The following CHD2 variants were observed in gnomAD, a reference collection of about 807,000 sequenced individuals.
CHD2 encodes the protein ATP-dependent chromatin remodeler CHD2.
Under a neutral mutation model 243.9 loss-of-function variants are expected in CHD2, and 28 were observed. The observed-to-expected ratio is 0.11, with a 90% CI of 0.09 to 0.16. CHD2 has a LOEUF of 0.16. CHD2 is among the 10% of genes least tolerant of loss of function. The probability of loss-of-function intolerance (pLI) is 1.00; values close to 1 mark genes in which losing one functional copy is unlikely to be tolerated. For missense variants in CHD2, 1,386 were observed against 2,209.8 expected, an observed-to-expected ratio of 0.63 and a Z score of 7.47; for synonymous variants, 775 against 779.0, an observed-to-expected ratio of 0.99 and a Z score of 0.09.
In CHD2 at chr15:92,958,666, A is replaced by G. The variant is rs146195220; in HGVS notation, c.2000+2017A>G. ...TTATCAGTACAGTCCCCAACTTTCT[A>G]TAGTTTGATGTAAAATGTTTTGACT... On this transcript the variant is annotated intron_variant, in intron 16 of 38. Coordinates refer to ENST00000394196, the MANE Select transcript of CHD2 (RefSeq NM_001271.4). 7.9e-5 allele frequency among the ~76,000 whole-genome samples: 12 copies of G among 152,336 alleles called. No homozygotes were observed. The East Asian group carries it at 2.3e-3, about 29-fold the overall frequency.
In CHD2 at chr15:92,939,643, A is replaced by G. The variant is rs2141778416; in HGVS notation, c.617A>G (p.Asp206Gly). 1 of 1,614,170 alleles carries G rather than the reference A, an allele frequency of 6.2e-7. No individual in the cohort carries two copies. Among genetic ancestry groups the G allele is most frequent in the Non-Finnish European group, 8.5e-7 (1 of 1,180,016 alleles). Residue 206 changes from aspartate to glycine, a missense_variant, in exon 7 of 39, where the codon GAT becomes GGT. Asp to Gly is a moderately conservative substitution (Grantham distance 94). Coordinates refer to ENST00000394196, the MANE Select transcript of CHD2 (RefSeq NM_001271.4). ...KTQRGKRKKQDSSDEDDDDDE... is the reference protein window; with the variant it reads ...KTQRGKRKKQGSSDEDDDDDE... ...CAGCGTGGAAAGAGAAAAAAGCAAG[A>G]TTCTTCTGATGAGGATGATGATGAT...
chr15:92,960,607 T>C (rs1311570808), intron 16 of CHD2, among the ~76,000 whole-genome samples: 1 of 151,802 alleles, frequency 6.6e-6, no homozygotes, highest in Non-Finnish European at 1.5e-5. Context: ...TTTTTTTTCC[T>C]AGCATAAATC....
At position 92,912,398 on chromosome 15, in the gene CHD2, C is replaced by G. The variant is rs374092795; in HGVS notation, c.62+11099C>G. ...TTGAGGCGGAGTCTCGCTCTGTCGC[C>G]TGGGCTGGAGTGCAGTGGCGCAGTC... On this transcript the variant is annotated intron_variant, in intron 2 of 38. Coordinates refer to ENST00000394196, the MANE Select transcript of CHD2 (RefSeq NM_001271.4). Among the ~76,000 whole-genome samples, 313 of 152,336 alleles carry G rather than the reference C, an allele frequency of 2.1e-3. 3 individuals are homozygous for G. Among genetic ancestry groups the G allele is most frequent in the African/African-American group, 7.4e-3 (307 of 41,566 alleles).
intron 17 of CHD2, among the ~76,000 whole-genome samples, chr15:92,970,712 A>T (rs1171906244): frequency 6.6e-6 from 1 of 152,084 alleles, no homozygotes; most frequent in Non-Finnish European, 1.5e-5. Flanking sequence ...ATAGGCCTTT[A>T]TGATGCATAG....
chr15:92,921,761 G>A (rs1179654808), intron 2 of CHD2, among the ~76,000 whole-genome samples: 1 of 152,162 alleles, frequency 6.6e-6, no homozygotes, highest in Admixed American at 6.5e-5. Context: ...GCTGCCATTA[G>A]ATGTTCTTAT....
chr15:92,959,838 T>C (rs1018878707), intron 16 of CHD2, among the ~76,000 whole-genome samples: 3 of 152,222 alleles, frequency 2.0e-5, no homozygotes, highest in African/African-American at 7.2e-5. Context: ...ATTTTCTTCT[T>C]TTTCAAAATT....
At chr15:92,978,084 C>A in intron 20 of CHD2, 150 bp from the exon 21 acceptor site, 1 of 842,690 alleles carries the variant, frequency 1.2e-6, no homozygotes. Context: ...CCATCAAGTC[C>A]CTGACATTCT....
At chr15:92,933,331 T>G (rs2053208873) in intron 5 of CHD2, among the ~76,000 whole-genome samples, 1 of 152,236 alleles carries the variant, frequency 6.6e-6, no homozygotes, top group South Asian at 2.1e-4. Context: ...TTTTAGCTTC[T>G]TTTGAGAAAA....
chr15:93,014,454 T>C (rs909013161), intron 36 of CHD2, among the ~76,000 whole-genome samples: 1 of 152,246 alleles, frequency 6.6e-6, no homozygotes, highest in Admixed American at 6.5e-5. Flanking sequence ...TAGCAGTCTA[T>C]GCATGTGTTC....
chr15:93,020,046 C>G lies in CHD2; in HGVS notation c.4941C>G (p.Asn1647Lys). 3 of 1,614,030 alleles carry G rather than the reference C, an allele frequency of 1.9e-6. No homozygotes were observed. Among genetic ancestry groups the G allele is most frequent in the Non-Finnish European group, 2.5e-6 (3 of 1,179,910 alleles). The change falls in exon 38 of 39, where the codon AAC becomes AAG. Residue 1647 changes from asparagine to lysine, a missense_variant. Transcript: ENST00000394196. The part of the protein sequence containing the change: ...RGDWQRERKF[N>K]YGGGNNNPPW... Reference sequence around the variant, plus strand: ...ACTGGCAGAGGGAAAGAAAGTTCAACTATGGTGGTGGCAACAACAATCCAC... The same window carrying G: ...ACTGGCAGAGGGAAAGAAAGTTCAAGTATGGTGGTGGCAACAACAATCCAC...
intron 17 of CHD2, among the ~76,000 whole-genome samples, chr15:92,968,224 A>G (rs1238278776): frequency 6.6e-6 from 1 of 152,106 alleles, no homozygotes; most frequent in African/African-American, 2.4e-5. Flanking sequence ...GCTCCATGGC[A>G]TTCTTTAATA....
chr15:93,003,907 C>T (rs1438121144), intron 33 of CHD2, among the ~76,000 whole-genome samples: 2 of 121,776 alleles, frequency 1.6e-5, no homozygotes, highest in African/African-American at 3.0e-5. Context: ...GGACAGATCA[C>T]AAGGTCAGGA....
At chr15:92,982,318 C>T (rs2053989979) in intron 24 of CHD2, among the ~76,000 whole-genome samples, 1 of 152,122 alleles carries the variant, frequency 6.6e-6, no homozygotes, top group Non-Finnish European at 1.5e-5. Flanking sequence ...GAGGTGTTTG[C>T]TTGAGAAGTG....
chr15:92,969,081 T>G (rs2053805420), intron 17 of CHD2, among the ~76,000 whole-genome samples: 1 of 152,224 alleles, frequency 6.6e-6, no homozygotes, highest in Non-Finnish European at 1.5e-5. Context: ...TACTGTAAAA[T>G]GTAAAAGGGG....
chr15:92,978,160 G>A (rs888063105), intron 20 of CHD2, 74 bp from the exon 21 acceptor site: 3 of 1,577,728 alleles, frequency 1.9e-6, no homozygotes, highest in South Asian at 2.2e-5. Flanking sequence ...GTTTCCAGGT[G>A]TAAGGGCTTA....
At chr15:92,925,169 G>T (rs1046124466) in intron 3 of CHD2, among the ~76,000 whole-genome samples, 1 of 152,126 alleles carries the variant, frequency 6.6e-6, no homozygotes, top group Non-Finnish European at 1.5e-5. Context: ...TAGGTTGGAT[G>T]GACCTACAAG....
rs145957212 is a variant in CHD2, at chr15:92,925,645, G to A, written c.294+1093G>A. 1.9e-3 allele frequency among the ~76,000 whole-genome samples: 283 copies of A among 152,246 alleles called. 2 individuals carry two copies. The highest frequency in any genetic ancestry group is 6.4e-3 in the African/African-American group (266 of 41,540). ...ATGGATAGACAGGCTAGAGTAAAGC[G>A]CACTTTCCCTCCTTCCTTTCTCTGC... On this transcript the variant is annotated intron_variant, in intron 3 of 38. Coordinates refer to ENST00000394196, the MANE Select transcript of CHD2 (RefSeq NM_001271.4).
intron 22 of CHD2, 138 bp downstream of exon 22, chr15:92,979,421 G>A (rs757153424): frequency 4.3e-5 from 46 of 1,059,282 alleles, no homozygotes; most frequent in Admixed American, 5.8e-5. Context: ...AAATAGGATA[G>A]CATTTTCACT....
chr15:92,918,232 G>A (rs2052881108), intron 2 of CHD2, among the ~76,000 whole-genome samples: 1 of 152,198 alleles, frequency 6.6e-6, no homozygotes, highest in Admixed American at 6.5e-5. Flanking sequence ...ACCTACTTCA[G>A]AAAGTATTTT....
Sources: allele counts gnomAD v4.1 joint callset (sites outside exome capture counted in the v4.1 genomes callset), GRCh38; gene constraint gnomAD v4.1.1; transcripts MANE v1.5; gene names NCBI Gene and HGNC (gene_info 2026-07-23, HGNC 2026-07-21).